HECW1: variants seen among roughly 807,000 people sequenced by gnomAD.
The protein encoded by HECW1 is HECT, C2 and WW domain containing E3 ubiquitin protein ligase 1, also known as E3 ubiquitin-protein ligase HECW1.
Under a neutral mutation model 182.3 loss-of-function variants are expected in HECW1, and 61 were observed. The observed-to-expected ratio is 0.33, with a 90% CI of 0.27 to 0.41. The LOEUF is 0.41. Ranked by LOEUF, HECW1 falls within the 10% of genes least tolerant of loss-of-function variation. The pLI is 1.00. For synonymous variants in HECW1, 859 were observed against 832.6 expected (o/e 1.03, Z -0.55); for missense variants, 1,739 against 2,108.9 (o/e 0.82, Z 3.44).
At chr7:43,191,356 C>G (rs1016017476) in intron 2 of HECW1, among the ~76,000 whole-genome samples, 3 of 152,212 alleles carry the variant, frequency 2.0e-5, no homozygotes, top group African/African-American at 7.2e-5. Context: ...ATAGCTGTAG[C>G]TTGCCAGTTA....
intron 3 of HECW1, among the ~76,000 whole-genome samples, chr7:43,262,342 T>C (rs993768036): frequency 1.3e-5 from 2 of 152,148 alleles, no homozygotes; most frequent in Non-Finnish European, 2.9e-5. Context: ...GAATGATATC[T>C]GTATATCAGC....
At position 43,416,639 on chromosome 7, in the gene HECW1, C is replaced by T. The variant is rs1385654172; in HGVS notation, c.801+8908C>T. 2.0e-5 allele frequency among the ~76,000 whole-genome samples: 3 copies of T among 149,042 alleles called. No homozygotes were observed. In the South Asian group the frequency reaches 6.6e-4, roughly 33 times the overall value. On this transcript the variant is annotated intron_variant, in intron 8 of 29. Coordinates refer to ENST00000395891, the MANE Select transcript of HECW1 (RefSeq NM_015052.5). The stretch of plus-strand genomic sequence containing the variant: ...ACCCCTCCCCCAGCCTCGCTGCCGC[C>T]TTGCAGTTTGATCTCAGACTGCTGT...
intron 2 of HECW1, among the ~76,000 whole-genome samples, chr7:43,120,993 G>T (rs1466057270): frequency 6.6e-6 from 1 of 152,144 alleles, no homozygotes; most frequent in Non-Finnish European, 1.5e-5. Flanking sequence ...GAGTTTAGAT[G>T]ATATTTTCAG....
chr7:43,339,729 C>T (rs536058221), intron 5 of HECW1, among the ~76,000 whole-genome samples: 1 of 152,170 alleles, frequency 6.6e-6, no homozygotes, highest in South Asian at 2.1e-4. Context: ...TGCTGATGGC[C>T]TTGTCCAATA....
chr7:43,469,202 T>A, intron 16 of HECW1, 97 bp downstream of exon 16: 1 of 1,298,606 alleles, frequency 7.7e-7, no homozygotes, highest in Non-Finnish European at 1.1e-6. Flanking sequence ...GGAGGAGTTA[T>A]GTCTGAGAGA....
At chr7:43,193,851 C>T (rs1316896150) in intron 2 of HECW1, among the ~76,000 whole-genome samples, 3 of 152,140 alleles carry the variant, frequency 2.0e-5, no homozygotes, top group African/African-American at 7.2e-5. Flanking sequence ...TAACTATGTA[C>T]TCTAACAGAA....
intron 2 of HECW1, among the ~76,000 whole-genome samples, chr7:43,204,863 A>C (rs189516008): frequency 6.6e-6 from 1 of 152,118 alleles, no homozygotes; most frequent in South Asian, 2.1e-4. Context: ...CAAAGTTTGG[A>C]TCTTACCATC....
intron 3 of HECW1, among the ~76,000 whole-genome samples, chr7:43,284,249 ATTTC>A (rs1804312584): frequency 6.6e-6 from 1 of 152,200 alleles, no homozygotes; most frequent in African/African-American, 2.4e-5. Context: ...TGAAAATCAT[ATTTC>A]TTTATCATGT....
intron 9 of HECW1, 36 bp from the exon 10 acceptor site, chr7:43,442,493 T>C (rs2076919695): frequency 1.4e-6 from 2 of 1,433,920 alleles, no homozygotes; most frequent in African/African-American, 1.4e-5. Context: ...AAGAGAGGTA[T>C]TGACCAGAAC....
chr7:43,545,264 T>G (rs2081511154), intron 26 of HECW1, among the ~76,000 whole-genome samples: 1 of 152,238 alleles, frequency 6.6e-6, no homozygotes, highest in Non-Finnish European at 1.5e-5. Flanking sequence ...CACTTGAATT[T>G]TATTCCATGG....
At chr7:43,264,182 C>G (rs1168235540) in intron 3 of HECW1, among the ~76,000 whole-genome samples, 1 of 152,148 alleles carries the variant, frequency 6.6e-6, no homozygotes, top group African/African-American at 2.4e-5. Context: ...CAATAGATCT[C>G]TAAAACTTAT....
chr7:43,463,237 C>T (rs1397072238), intron 13 of HECW1, among the ~76,000 whole-genome samples: 1 of 152,170 alleles, frequency 6.6e-6, no homozygotes, highest in Non-Finnish European at 1.5e-5. Context: ...ATCAATTACC[C>T]GACAAATAAA....
At chr7:43,299,418 C>T (rs905702391) in intron 3 of HECW1, among the ~76,000 whole-genome samples, 3 of 152,136 alleles carry the variant, frequency 2.0e-5, no homozygotes, top group South Asian at 4.1e-4. Flanking sequence ...GCACGAAAAC[C>T]GTGCCTTTTC....
intron 2 of HECW1, among the ~76,000 whole-genome samples, chr7:43,122,543 T>G (rs73312819): frequency 0.038 from 5,858 of 152,274 alleles, 362 homozygotes; most frequent in African/African-American, 0.13. Context: ...AACTTTTTGA[T>G]GAGACCTCTC....
At chr7:43,336,124 T>TTCTTTCTCTCTCTCTCTC (rs1313057919) in intron 5 of HECW1, among the ~76,000 whole-genome samples, 2 of 64,248 alleles carry the variant, frequency 3.1e-5, no homozygotes, top group Admixed American at 1.6e-4. Flanking sequence ...CTTTCTTTCT[T>TTCTTTCTCTCTCTCTCTC]TCTCTCTCTC....
At chr7:43,184,308 G>A (rs554897782) in intron 2 of HECW1, among the ~76,000 whole-genome samples, 10 of 152,246 alleles carry the variant, frequency 6.6e-5, no homozygotes, top group Admixed American at 2.0e-4. Flanking sequence ...CCACCGCCCT[G>A]CCAATTCTTA....
At chr7:43,276,391 T>A (rs1427574447) in intron 3 of HECW1, among the ~76,000 whole-genome samples, 1 of 152,194 alleles carries the variant, frequency 6.6e-6, no homozygotes, top group Admixed American at 6.5e-5. Context: ...GCATTGATTT[T>A]AAAAGGATAA....
At chr7:43,392,498 A>G (rs2152835253) in intron 6 of HECW1, among the ~76,000 whole-genome samples, 1 of 152,188 alleles carries the variant, frequency 6.6e-6, no homozygotes, top group East Asian at 1.9e-4. Flanking sequence ...ATTCAGCTTT[A>G]GGTTTCTTCA....
Position 43,564,117 on chromosome 7 carries a change from A to G in HECW1, c.*2191A>G, listed in dbSNP as rs184661891. The G allele has an allele frequency of 1.1e-5, 2 of 190,134 alleles. No homozygotes were observed. Among genetic ancestry groups the G allele is most frequent in the Admixed American group, 6.2e-5 (1 of 16,232 alleles). 11.8% of individuals were successfully genotyped at this position (190,134 alleles called of 1,614,324 possible). A position where few individuals can be genotyped will look rare whatever the true frequency, so the allele number is the denominator to read the frequency against. ...AAAAATAATGGATTCCAATGGAGCT[A>G]TTGTTTTATTTATGAAATCAGAGCA... On this transcript the variant is annotated 3_prime_UTR_variant, in exon 30 of 30. Transcript: ENST00000395891.
Sources: allele counts gnomAD v4.1 joint callset (sites outside exome capture counted in the v4.1 genomes callset), GRCh38; gene constraint gnomAD v4.1.1; transcripts MANE v1.5; gene names NCBI Gene and HGNC (gene_info 2026-07-23, HGNC 2026-07-21).